Variants in NFIB observed in about 807,000 individuals in gnomAD.
NFIB encodes nuclear factor I B, also known as nuclear factor 1 B-type.
Under a neutral mutation model 61.5 loss-of-function variants are expected in NFIB, and 11 were observed. The observed-to-expected ratio is 0.18, with a 90% CI of 0.11 to 0.30. The LOEUF is 0.30. Among genes scored for constraint, NFIB ranks in the 10% least tolerant of loss-of-function variants. The pLI is 1.00. For synonymous variants in NFIB, 260 were observed against 216.5 expected (o/e 1.20, Z -1.76); for missense variants, 471 against 608.9 (o/e 0.77, Z 2.38).
At chr9:14,325,866 G>T (rs190887406) in intron 1 of NFIB, among the ~76,000 whole-genome samples, 136 of 151,992 alleles carry the variant, frequency 8.9e-4, no homozygotes, top group Non-Finnish European at 1.6e-3. Flanking sequence ...ATGTATTTTT[G>T]AATATGAACA....
At chr9:14,325,322 T>A (rs1204659477) in intron 1 of NFIB, among the ~76,000 whole-genome samples, 1 of 152,122 alleles carries the variant, frequency 6.6e-6, no homozygotes, top group East Asian at 1.9e-4. Flanking sequence ...ATTCATTCCA[T>A]AGAACTTACC....
intron 1 of NFIB, among the ~76,000 whole-genome samples, chr9:14,338,929 C>T (rs756775631): frequency 2.0e-4 from 31 of 151,730 alleles, no homozygotes; most frequent in African/African-American, 6.8e-4. Flanking sequence ...TCACCAATCA[C>T]GTTAACCCAG....
At chr9:14,341,863 T>C (rs931705702) in intron 1 of NFIB, among the ~76,000 whole-genome samples, 1 of 151,588 alleles carries the variant, frequency 6.6e-6, no homozygotes, top group African/African-American at 2.4e-5. Flanking sequence ...CAGTGAGTGC[T>C]TCCAGATGCA....
At chr9:14,104,758 A>G (rs2036306611) in intron 10 of NFIB, among the ~76,000 whole-genome samples, 1 of 151,910 alleles carries the variant, frequency 6.6e-6, no homozygotes, top group African/African-American at 2.4e-5. Flanking sequence ...TTAAAAAAAA[A>G]AAAAAATTGT....
intron 1 of NFIB, chr9:14,322,059 C>A: frequency 1.9e-6 from 2 of 1,046,764 alleles, no homozygotes; most frequent in South Asian, 5.0e-5. Context: ...GTTTTGGTGT[C>A]GCTTTTTGTG....
At chr9:14,110,474 G>A (rs559647175) in intron 10 of NFIB, among the ~76,000 whole-genome samples, 1 of 152,106 alleles carries the variant, frequency 6.6e-6, no homozygotes, top group East Asian at 1.9e-4. Flanking sequence ...ATTTCTCCTA[G>A]CTAATATAAC....
intron 10 of NFIB, among the ~76,000 whole-genome samples, chr9:14,098,019 A>G (rs1186549633): frequency 6.6e-6 from 1 of 152,066 alleles, no homozygotes; most frequent in East Asian, 1.9e-4. Flanking sequence ...ACATGTGTAA[A>G]GTAACTACAG....
At chr9:14,399,399 TA>T (rs1165952350), upstream of NFIB, among the ~76,000 whole-genome samples, 1 of 152,244 alleles carries the variant, frequency 6.6e-6, no homozygotes, top group African/African-American at 2.4e-5. Flanking sequence ...GAATTCTAAA[TA>T]AAGTATGAAA....
intron 1 of NFIB, among the ~76,000 whole-genome samples, chr9:14,395,292 A>G (rs368154281): frequency 6.6e-6 from 1 of 150,844 alleles, no homozygotes; most frequent in Non-Finnish European, 1.5e-5. Flanking sequence ...ATATTCATTA[A>G]TATTTCGGGA....
intron 2 of NFIB, among the ~76,000 whole-genome samples, chr9:14,268,748 A>G (rs1274556974): frequency 6.6e-6 from 1 of 152,200 alleles, no homozygotes; most frequent in Non-Finnish European, 1.5e-5. Flanking sequence ...ATTAGATTAG[A>G]AACTCCTTGA....
chr9:14,439,923 C>T, the NFIB span, among the ~76,000 whole-genome samples: 3 of 152,172 alleles, frequency 2.0e-5, no homozygotes, highest in Non-Finnish European at 2.9e-5. Flanking sequence ...CAGTCAATTT[C>T]GTCAGGAGCT....
chr9:14,512,244 A>C, the NFIB span, among the ~76,000 whole-genome samples: 2 of 152,180 alleles, frequency 1.3e-5, no homozygotes, highest in Admixed American at 1.3e-4. Flanking sequence ...CCCCAGGTAC[A>C]TGTAGCTGGT....
At chr9:14,326,451 T>C (rs1281166158) in intron 1 of NFIB, among the ~76,000 whole-genome samples, 1 of 152,164 alleles carries the variant, frequency 6.6e-6, no homozygotes, top group African/African-American at 2.4e-5. Context: ...AATATACACA[T>C]GCAGTGTTCC....
chr9:14,206,342 T>G (rs112469227), intron 2 of NFIB, among the ~76,000 whole-genome samples: 40 of 152,084 alleles, frequency 2.6e-4, no homozygotes, highest in African/African-American at 6.8e-4. Flanking sequence ...AATTTTTTTG[T>G]ATTTTTGGTA....
chr9:14,332,070 C>A (rs952842315), intron 1 of NFIB, among the ~76,000 whole-genome samples: 1 of 152,120 alleles, frequency 6.6e-6, no homozygotes, highest in African/African-American at 2.4e-5. Context: ...GGGTGGCTCA[C>A]ACCTGTAATG....
At chr9:14,433,607 G>C in the NFIB span, among the ~76,000 whole-genome samples, 5 of 152,072 alleles carry the variant, frequency 3.3e-5, no homozygotes, top group South Asian at 1.0e-3. Context: ...TTACTGTATA[G>C]CCCTGGCAAG....
Position 14,313,830 on chromosome 9 carries a change from G to A in NFIB, c.-319C>T. 1 of 1,285,120 alleles carries A rather than the reference G, an allele frequency of 7.8e-7. No individual in the cohort carries two copies. Among genetic ancestry groups the A allele is most frequent in the Non-Finnish European group, 9.9e-7 (1 of 1,012,594 alleles). The allele number at this position is 1,285,120 out of a possible 1,614,324, so 79.6% of individuals were successfully genotyped here. A position where few individuals can be genotyped will look rare whatever the true frequency, so the allele number is the denominator to read the frequency against. On this transcript the variant is annotated 5_prime_UTR_variant, in exon 1 of 11. Transcript: ENST00000380953. This position sits in a 1 kb window ranked among gnomAD's most constrained non-coding sequence, Gnocchi z 4.5. ...TGGCTGCTTTTCGCCTGGGTTTGGG[G>A]ATTTGTTTTCTATTTTGCAGTTGTT...
At chr9:14,147,300 T>C (rs1443331822) in intron 5 of NFIB, among the ~76,000 whole-genome samples, 1 of 152,246 alleles carries the variant, frequency 6.6e-6, no homozygotes, top group African/African-American at 2.4e-5. Flanking sequence ...GAATTGCTAA[T>C]AGTAAGCTCC....
At chr9:14,404,443 G>C in the NFIB span, among the ~76,000 whole-genome samples, 27 of 152,136 alleles carry the variant, frequency 1.8e-4, no homozygotes, top group African/African-American at 6.5e-4. Context: ...TACATATACA[G>C]AATAAAGTCG....
Sources: gnomAD v4.1 joint callset for allele counts (sites outside exome capture counted in the v4.1 genomes callset) on GRCh38, gnomAD v4.1.1 for gene constraint, Gnocchi (gnomAD v3.1) non-coding constraint, MANE v1.5 for transcripts, NCBI Gene and HGNC (gene_info 2026-07-23, HGNC 2026-07-21) for gene names.